ZNF385B: variants seen among roughly 807,000 people sequenced by gnomAD.
ZNF385B encodes the protein zinc finger protein 385B.
Under a neutral mutation model 39.2 loss-of-function variants are expected in ZNF385B, and 23 were observed. The observed-to-expected ratio is 0.59, with a 90% CI of 0.42 to 0.83. The LOEUF is 0.83. ZNF385B is among the 40% of genes least tolerant of loss of function. The pLI is 0.00. For synonymous variants in ZNF385B, 205 were observed against 222.6 expected (o/e 0.92, Z 0.70); for missense variants, 552 against 598.9 (o/e 0.92, Z 0.82).
At chr2:179,588,809 T>C (rs1018173478) in intron 3 of ZNF385B, among the ~76,000 whole-genome samples, 2 of 152,090 alleles carry the variant, frequency 1.3e-5, no homozygotes, top group Admixed American at 1.3e-4. Flanking sequence ...CCATCAATGG[T>C]GGTGAGTCTG....
chr2:179,705,464 C>G (rs1699521471), intron 3 of ZNF385B, among the ~76,000 whole-genome samples: 2 of 152,222 alleles, frequency 1.3e-5, no homozygotes. Flanking sequence ...ATTTCAACAT[C>G]CACATGGGCA....
At chr2:179,615,352 C>A (rs1273823080) in intron 3 of ZNF385B, among the ~76,000 whole-genome samples, 1 of 152,146 alleles carries the variant, frequency 6.6e-6, no homozygotes, top group African/African-American at 2.4e-5. Context: ...AAAGTGTGGT[C>A]CTTGTACCAG....
rs200150920 is a variant in ZNF385B, at chr2:179,444,896, G to A, written c.1222C>T (p.Arg408Trp). ...CTTACTGCTAGAATACTCGGGCTCC[G>A]CTGGAGTTTGTTGTAAGGGCTGTAT... is the stretch of plus-strand genomic sequence containing the variant. ...PKYSPYNKLQ[R>W]SPSILAAKLA... Residue 408 changes from arginine to tryptophan, a missense_variant, in exon 9 of 10, where the codon CGG becomes TGG. By Grantham distance (101) the Arg-to-Trp change is moderately radical (BLOSUM62 -3). Coordinates refer to ENST00000410066, the MANE Select transcript of ZNF385B (RefSeq NM_152520.6). The A allele has an allele frequency of 4.3e-6, 7 of 1,613,998 alleles. No individual in the cohort carries two copies. Among genetic ancestry groups the A allele is most frequent in the African/African-American group, 1.3e-5 (1 of 75,052 alleles).
chr2:179,474,146 A>AAC (rs2053155611), intron 6 of ZNF385B, among the ~76,000 whole-genome samples: 1 of 151,714 alleles, frequency 6.6e-6, no homozygotes, highest in South Asian at 2.1e-4. Context: ...TAGGGAAAGA[A>AAC]ACACACATTT....
At chr2:179,490,618 TAA>T (rs35391425) in intron 5 of ZNF385B, among the ~76,000 whole-genome samples, 17 of 148,286 alleles carry the variant, frequency 1.1e-4, no homozygotes, top group African/African-American at 1.5e-4. Flanking sequence ...TGGAATATAG[TAA>T]AAAAAAAAAA....
At chr2:179,564,279 A>G (rs1684296242) in intron 3 of ZNF385B, among the ~76,000 whole-genome samples, 1 of 152,166 alleles carries the variant, frequency 6.6e-6, no homozygotes, top group Non-Finnish European at 1.5e-5. Flanking sequence ...TGGGATAAGG[A>G]ACACTTAAGC....
intron 6 of ZNF385B, among the ~76,000 whole-genome samples, chr2:179,477,841 A>G (rs953237212): frequency 2.6e-5 from 4 of 151,234 alleles, no homozygotes; most frequent in African/African-American, 9.9e-5. Flanking sequence ...GAAACACTAC[A>G]GATAATGTCC....
intron 1 of ZNF385B, among the ~76,000 whole-genome samples, chr2:179,852,972 T>C (rs770301108): frequency 6.6e-6 from 1 of 152,222 alleles, no homozygotes; most frequent in African/African-American, 2.4e-5. Flanking sequence ...TCTTGCCTTC[T>C]TCATTTTGAG....
intron 6 of ZNF385B, among the ~76,000 whole-genome samples, chr2:179,480,208 G>A (rs1422637003): frequency 2.0e-5 from 3 of 152,130 alleles, no homozygotes; most frequent in African/African-American, 7.2e-5. Flanking sequence ...AGAAGAAAAA[G>A]ACCAATGCTG....
chr2:179,545,644 T>C (rs11894850), intron 3 of ZNF385B, among the ~76,000 whole-genome samples: 68,617 of 152,016 alleles, frequency 0.45, 16,213 homozygotes, highest in Middle Eastern at 0.54. Flanking sequence ...AAATTTTTGT[T>C]TTCAACTTTT....
chr2:179,634,016 T>C (rs1691489205), intron 3 of ZNF385B, among the ~76,000 whole-genome samples: 1 of 152,168 alleles, frequency 6.6e-6, no homozygotes, highest in Non-Finnish European at 1.5e-5. Context: ...TGTAGAAAGC[T>C]GAAACTGGAT....
rs186319732 is a variant in ZNF385B, at chr2:179,594,074, G to C, written c.299-49105C>G. Among the ~76,000 whole-genome samples, 390 of 152,250 alleles carry C rather than the reference G, an allele frequency of 2.6e-3. 1 individual carries two copies. The highest frequency in any genetic ancestry group is 8.8e-3 in the African/African-American group (367 of 41,540). ...AAAAAGAAACAGAAGACCAAGGAAA[G>C]CAAAATCAGTTACTAAGGGAAGGCA... On this transcript the variant is annotated intron_variant, in intron 3 of 9. Transcript: ENST00000410066.
intron 6 of ZNF385B, among the ~76,000 whole-genome samples, chr2:179,472,609 C>T (rs2052900314): frequency 6.6e-6 from 1 of 152,054 alleles, no homozygotes; most frequent in African/African-American, 2.4e-5. Flanking sequence ...AATTAATAGC[C>T]GACAAGGATT....
At chr2:179,789,567 C>A (rs1705204066) in intron 1 of ZNF385B, among the ~76,000 whole-genome samples, 2 of 152,082 alleles carry the variant, frequency 1.3e-5, no homozygotes, top group South Asian at 2.1e-4. Flanking sequence ...CTTGGGATAC[C>A]ATGTTCATAT....
chr2:179,544,449 A>ATT (rs549703963), intron 4 of ZNF385B, among the ~76,000 whole-genome samples: 187 of 148,840 alleles, frequency 1.3e-3, no homozygotes, highest in Middle Eastern at 7.1e-3. Flanking sequence ...TCCTACAGTC[A>ATT]TTTTTTTTTT....
chr2:179,594,108 A>G (rs1337562128), intron 3 of ZNF385B, among the ~76,000 whole-genome samples: 2 of 152,330 alleles, frequency 1.3e-5, no homozygotes, highest in Non-Finnish European at 2.9e-5. Context: ...CAAAAGTTAA[A>G]AAAATTCACT....
chr2:179,503,878 CTTT>C (rs534423777), intron 5 of ZNF385B, among the ~76,000 whole-genome samples: 2 of 120,332 alleles, frequency 1.7e-5, no homozygotes, highest in East Asian at 5.1e-4. Context: ...TTTTTTCATT[CTTT>C]TTTTTTTTTT....
intron 3 of ZNF385B, among the ~76,000 whole-genome samples, chr2:179,765,025 T>A (rs563121453): frequency 2.2e-4 from 34 of 152,180 alleles, no homozygotes; most frequent in Admixed American, 5.2e-4. Context: ...TTTGGACTTA[T>A]GCTGGAATAA....
intron 6 of ZNF385B, among the ~76,000 whole-genome samples, chr2:179,469,418 T>C (rs1375023922): frequency 6.6e-6 from 1 of 152,208 alleles, no homozygotes; most frequent in Non-Finnish European, 1.5e-5. Context: ...GCTTGTTCTA[T>C]GGACTTGCCC....
Sources: gnomAD v4.1 joint callset for allele counts (sites outside exome capture counted in the v4.1 genomes callset) on GRCh38, gnomAD v4.1.1 for gene constraint, MANE v1.5 for transcripts, NCBI Gene and HGNC (gene_info 2026-07-23, HGNC 2026-07-21) for gene names.